The following DNAH8 variants were observed in gnomAD, a reference collection of about 807,000 sequenced individuals.
DNAH8 encodes axonemal beta dynein heavy chain 8.
Under a neutral mutation model 562.1 loss-of-function variants are expected in DNAH8, and 382 were observed. The ratio of observed to expected loss-of-function variants is 0.68; its 90% CI spans 0.63 to 0.74. The LOEUF is 0.74. Among genes scored for constraint, DNAH8 ranks in the 30% least tolerant of loss-of-function variants. The pLI is 0.00. For missense variants in DNAH8, 5,203 were observed against 5,620.4 expected (o/e 0.93, Z 2.37); for synonymous variants, 1,881 against 1,919.4 (o/e 0.98, Z 0.52).
At chr6:38,923,806 G>C (rs553919272) in intron 72 of DNAH8, among the ~76,000 whole-genome samples, 185 bp from the exon 73 acceptor site, 13 of 152,094 alleles carry the variant, frequency 8.5e-5, no homozygotes, top group African/African-American at 3.1e-4. Context: ...CCCACATGTG[G>C]CCACTCCTAC....
intron 41 of DNAH8, among the ~76,000 whole-genome samples, chr6:38,853,710 A>G (rs1419390987): frequency 6.6e-6 from 1 of 152,076 alleles, no homozygotes; most frequent in African/African-American, 2.4e-5. Flanking sequence ...TGAAAATATC[A>G]TTAACCAAAA....
intron 12 of DNAH8, among the ~76,000 whole-genome samples, chr6:38,772,219 A>G (rs377033457): frequency 6.2e-4 from 94 of 151,966 alleles, no homozygotes; most frequent in African/African-American, 2.1e-3. Context: ...TAGTAGAGAC[A>G]GGGTTTCACC....
intron 21 of DNAH8, among the ~76,000 whole-genome samples, chr6:38,796,691 G>A (rs780528460): frequency 5.3e-5 from 8 of 152,210 alleles, no homozygotes; most frequent in Non-Finnish European, 8.8e-5. Context: ...CCGCAGTCAC[G>A]TACCCACTGC....
At chr6:38,929,422 G>T in intron 74 of DNAH8, 89 bp from the exon 75 acceptor site, 2 of 1,302,052 alleles carry the variant, frequency 1.5e-6, no homozygotes, top group South Asian at 2.0e-5. Context: ...TAAAATTCTT[G>T]ATTACCTGTC....
intron 88 of DNAH8, among the ~76,000 whole-genome samples, chr6:38,998,305 T>C (rs1314334308): frequency 1.3e-5 from 2 of 152,214 alleles, no homozygotes; most frequent in Non-Finnish European, 2.9e-5. Flanking sequence ...GATAGCATAG[T>C]GATAAGAACC....
At position 38,951,389 on chromosome 6, in the gene DNAH8, C is replaced by T. The variant is rs375499346; in HGVS notation, c.12320C>T (p.Thr4107Ile). The change falls in exon 82 of 93, where the codon ACA (threonine) becomes ATA (isoleucine). Residue 4107 changes from threonine (T) to isoleucine (I), a missense_variant. By Grantham distance (89) the Thr-to-Ile change is moderately conservative (BLOSUM62 -1). This residue lies in a region of DNAH8 where 1,399 missense variants were observed against 1,518.4 expected (regional missense o/e 0.92). Coordinates refer to ENST00000327475, the MANE Select transcript of DNAH8 (RefSeq NM_001206927.2). Reference sequence around the variant, plus strand: ...GCAGATTCTTTGGAGGAGAAGTACACAGAACCAGTTATCTTAAATCTGGAG... The same window carrying T: ...GCAGATTCTTTGGAGGAGAAGTACATAGAACCAGTTATCTTAAATCTGGAG... ...YIADSLEEKY[T>I]EPVILNLEKT... 7.4e-6 allele frequency: 12 copies of T among 1,613,992 alleles called. No individual in the cohort carries two copies. The African/African-American group carries it at 1.5e-4, about 20-fold the overall frequency.
intron 91 of DNAH8, among the ~76,000 whole-genome samples, chr6:39,018,746 C>G (rs1766713924): frequency 6.6e-6 from 1 of 152,124 alleles, no homozygotes; most frequent in African/African-American, 2.4e-5. Flanking sequence ...AGAGGGAAAC[C>G]AGGACAGCAT....
intron 57 of DNAH8, 60 bp downstream of exon 57, chr6:38,887,064 AT>A: frequency 2.4e-6 from 3 of 1,259,860 alleles, no homozygotes; most frequent in Non-Finnish European, 3.4e-6. Context: ...ACCACACAAA[AT>A]TTCATTTAAG....
rs192368206 is a variant in DNAH8, at chr6:39,028,524, A to T, written c.13837-1581A>T. Among the ~76,000 whole-genome samples, 12 of 152,336 alleles carry T rather than the reference A, an allele frequency of 7.9e-5. No individual in the cohort carries two copies. In the East Asian group the frequency reaches 1.9e-3, roughly 24 times the overall value. On this transcript the variant is annotated intron_variant, in intron 92 of 92. Coordinates refer to ENST00000327475, the MANE Select transcript of DNAH8 (RefSeq NM_001206927.2). ...TCTGTGTCCTCTCCTCTTCTTATAAAGTTACCAGTCACATTGGATTTAGGA... is the reference window on the plus strand; with the variant it reads ...TCTGTGTCCTCTCCTCTTCTTATAATGTTACCAGTCACATTGGATTTAGGA...
chr6:38,789,223 TA>T (rs1424940930), intron 18 of DNAH8, among the ~76,000 whole-genome samples: 1 of 152,168 alleles, frequency 6.6e-6, no homozygotes, highest in Non-Finnish European at 1.5e-5. Context: ...AACTATTAGG[TA>T]AAAATTGAAA....
At chr6:38,932,472 T>G (rs1001552906) in intron 76 of DNAH8, among the ~76,000 whole-genome samples, 1 of 152,104 alleles carries the variant, frequency 6.6e-6, no homozygotes, top group African/African-American at 2.4e-5. Context: ...TAACTGAGGG[T>G]TCTAATAAAA....
intron 77 of DNAH8, 57 bp downstream of exon 77, chr6:38,935,754 C>A: frequency 1.6e-6 from 2 of 1,287,338 alleles, no homozygotes; most frequent in Non-Finnish European, 2.2e-6. Context: ...ATTTCATTTA[C>A]ACTCTTTTCA....
In DNAH8 at chr6:39,008,802, T is replaced by C. The variant is rs755272133; in HGVS notation, c.13215-12T>C. 1 of 1,573,696 alleles carries C rather than the reference T, an allele frequency of 6.4e-7. No individual in the cohort carries two copies. The highest frequency in any genetic ancestry group is 8.7e-7 in the Non-Finnish European group (1 of 1,147,632). On this transcript the variant is annotated splice_polypyrimidine_tract_variant and intron_variant, in intron 88 of 92. Coordinates refer to ENST00000327475, the MANE Select transcript of DNAH8 (RefSeq NM_001206927.2). ...CCCTGTAACATTCTGAACAGCTCAC[T>C]CTTTTTACTAGGTATCAGAGTAACA...
At chr6:38,754,781 G>A (rs1765766482) in intron 9 of DNAH8, among the ~76,000 whole-genome samples, 1 of 152,046 alleles carries the variant, frequency 6.6e-6, no homozygotes, top group South Asian at 2.1e-4. Context: ...TGGGAATAAT[G>A]ATAATACTTT....
Position 38,851,743 on chromosome 6 carries a change from G to C in DNAH8, c.5466+69G>C, listed in dbSNP as rs556907511. The C allele has an allele frequency of 3.9e-6, 4 of 1,012,784 alleles. No individual in the cohort carries two copies. The East Asian group carries it at 7.2e-5, about 18-fold the overall frequency. The allele number at this position is 1,012,784 out of a possible 1,614,324, so 62.7% of individuals were successfully genotyped here. A position where few individuals can be genotyped will look rare whatever the true frequency, so the allele number is the denominator to read the frequency against. ...ATACACAATGAAGAATAAAAGTGAAGTTAAAATCTTAAAAATGCAGGCAGG... is the reference window on the plus strand; with the variant it reads ...ATACACAATGAAGAATAAAAGTGAACTTAAAATCTTAAAAATGCAGGCAGG... On this transcript the variant is annotated intron_variant, in intron 39 of 92. Coordinates refer to ENST00000327475, the MANE Select transcript of DNAH8 (RefSeq NM_001206927.2).
In DNAH8 at chr6:38,790,200, CAT is replaced by C. The variant is rs556257023; in HGVS notation, c.2665-85_2665-84del. 237 of 781,744 alleles carry C rather than the reference CAT, an allele frequency of 3.0e-4. 1 individual carries two copies. The African/African-American group carries it at 3.5e-3, about 12-fold the overall frequency. The allele number at this position is 781,744 out of a possible 1,614,324, so 48.4% of individuals were successfully genotyped here. ...GGAAAATACATGTAAGAAAATATAA[CAT>C]ATAATATTTGTAGGTGATAAATCCT... On this transcript the variant is annotated intron_variant, in intron 19 of 92. Coordinates refer to ENST00000327475, the MANE Select transcript of DNAH8 (RefSeq NM_001206927.2).
intron 91 of DNAH8, among the ~76,000 whole-genome samples, chr6:39,019,868 C>A (rs1270230850): frequency 6.6e-6 from 1 of 152,084 alleles, no homozygotes; most frequent in African/African-American, 2.4e-5. Flanking sequence ...GTTGTCAATG[C>A]AGCAGAAATT....
intron 31 of DNAH8, among the ~76,000 whole-genome samples, chr6:38,834,058 T>G (rs1358311953): frequency 6.6e-6 from 1 of 152,206 alleles, no homozygotes; most frequent in Non-Finnish European, 1.5e-5. Context: ...GCTTTCTGCT[T>G]CTTCCAAATA....
intron 82 of DNAH8, among the ~76,000 whole-genome samples, chr6:38,971,157 A>C (rs1265246960): frequency 6.6e-6 from 1 of 152,206 alleles, no homozygotes; most frequent in Non-Finnish European, 1.5e-5. Context: ...AAAAGGAATA[A>C]ACAGAAAATT....
Sources: gnomAD v4.1 joint callset for allele counts (sites outside exome capture counted in the v4.1 genomes callset) on GRCh38, gnomAD v4.1.1 for gene constraint, gnomAD v4.1.1 regional missense constraint, MANE v1.5 for transcripts, NCBI Gene and HGNC (gene_info 2026-07-23, HGNC 2026-07-21) for gene names.